Variants in GABRA5 observed in about 807,000 individuals in gnomAD.
The protein encoded by GABRA5 is gamma-aminobutyric acid receptor subunit alpha-5.
In GABRA5, 18 loss-of-function variants were observed where a neutral mutation model predicts 47.3. The observed-to-expected ratio is 0.38, with a 90% confidence interval of 0.26 to 0.56. The LOEUF (loss-of-function observed/expected upper bound fraction) is 0.56, where lower values mean the gene tolerates loss of function less well. GABRA5 is among the 20% of genes least tolerant of loss of function. The probability of loss-of-function intolerance (pLI) is 0.71; values close to 1 mark genes in which losing one functional copy is unlikely to be tolerated. For synonymous variants in GABRA5, 237 were observed against 229.3 expected (o/e 1.03, Z -0.30); for missense variants, 365 against 599.3 (o/e 0.61, Z 4.08).
At chr15:26,893,358 TG>T (rs1893073684) in intron 6 of GABRA5, among the ~76,000 whole-genome samples, 1 of 17,060 alleles carries the variant, frequency 5.9e-5, no homozygotes, top group Admixed American at 5.6e-4. Flanking sequence ...TGTGTGTGTA[TG>T]GTGTGTAGCG....
intron 6 of GABRA5, among the ~76,000 whole-genome samples, chr15:26,897,820 C>A (rs1382075076): frequency 6.6e-6 from 1 of 152,146 alleles, no homozygotes; most frequent in Non-Finnish European, 1.5e-5. Flanking sequence ...CATCACATGT[C>A]GAACATCCCC....
chr15:26,928,565 TC>T (rs1894015796), intron 7 of GABRA5, among the ~76,000 whole-genome samples: 2 of 151,468 alleles, frequency 1.3e-5, no homozygotes, highest in South Asian at 4.2e-4. Context: ...GGGTGGGGGG[TC>T]CTCCTGCGTG....
intron 10 of GABRA5, among the ~76,000 whole-genome samples, chr15:26,946,963 G>C (rs1894526385): frequency 6.6e-6 from 1 of 152,168 alleles, no homozygotes; most frequent in African/African-American, 2.4e-5. Context: ...GATATACACA[G>C]CAATATGGGT....
intron 6 of GABRA5, among the ~76,000 whole-genome samples, chr15:26,914,413 A>C: frequency 6.6e-6 from 1 of 152,198 alleles, no homozygotes; most frequent in East Asian, 1.9e-4. Flanking sequence ...TTTATTCTAC[A>C]TTTATATTTT....
chr15:26,897,677 G>T (rs1316881223), intron 6 of GABRA5, among the ~76,000 whole-genome samples: 1 of 152,142 alleles, frequency 6.6e-6, no homozygotes, highest in Non-Finnish European at 1.5e-5. Context: ...AAAGTTTCAG[G>T]ATTCAAATGT....
At chr15:26,935,830 T>C (rs1894226193) in intron 7 of GABRA5, among the ~76,000 whole-genome samples, 1 of 152,108 alleles carries the variant, frequency 6.6e-6, no homozygotes, top group Non-Finnish European at 1.5e-5. Context: ...AGATTTGGCA[T>C]TGAGTTGTTA....
At chr15:26,914,947 T>G (rs1893686239) in intron 7 of GABRA5, 62 bp downstream of exon 7, 1 of 1,334,438 alleles carries the variant, frequency 7.5e-7, no homozygotes, top group Admixed American at 1.7e-5. Context: ...TCCACATTTA[T>G]TCAGAAGAAT....
chr15:26,934,230 T>C (rs7181136), intron 7 of GABRA5, among the ~76,000 whole-genome samples: 120,709 of 146,406 alleles, frequency 0.82, 49,612 homozygotes, highest in Middle Eastern at 0.88. Context: ...CCAGCCTGGG[T>C]GATAGAAAGA....
chr15:26,949,185 T>TA lies in GABRA5; in HGVS notation c.*958dup, dbSNP rs1566891432. On this transcript the variant is annotated 3_prime_UTR_variant, in exon 11 of 11. Transcript: ENST00000335625. The stretch of plus-strand genomic sequence containing the variant: ...TGAATCTTAAATGTTCATTAAAAAA[T>TA]AAAAAATGAACTGATCTTGTGGACA... 1 of 152,102 alleles carries TA rather than the reference T, an allele frequency of 6.6e-6. No homozygotes were observed. The highest frequency in any genetic ancestry group is 1.9e-4 in the East Asian group (1 of 5,204). 9.4% of individuals were successfully genotyped at this position (152,102 alleles called of 1,614,324 possible).
rs562483073 is a variant in GABRA5, at chr15:26,872,264, G to A, written c.86+2930G>A. ...CGTGGAGCACCTGTCTTTATGTTTC[G>A]TGTTTTGGTTTTGGATGAATCCTAG... On this transcript the variant is annotated intron_variant, in intron 3 of 10. Transcript: ENST00000335625. Among the ~76,000 whole-genome samples, 12 of 152,248 alleles carry A rather than the reference G, an allele frequency of 7.9e-5. No homozygotes were observed. The South Asian group carries it at 2.1e-3, about 26-fold the overall frequency.
intron 7 of GABRA5, among the ~76,000 whole-genome samples, chr15:26,934,248 T>TAAAA (rs776194243): frequency 4.4e-5 from 5 of 112,912 alleles, no homozygotes; most frequent in Admixed American, 9.4e-5. Flanking sequence ...AGAGAATGTT[T>TAAAA]AAAAAAAAAA....
intron 7 of GABRA5, among the ~76,000 whole-genome samples, chr15:26,921,350 C>A (rs140157598): frequency 1.3e-5 from 2 of 151,990 alleles, no homozygotes; most frequent in African/African-American, 2.4e-5. Flanking sequence ...GGGTAAATTG[C>A]GCTTTTTGAG....
At chr15:26,912,371 T>C (rs1300551921) in intron 6 of GABRA5, among the ~76,000 whole-genome samples, 1 of 152,214 alleles carries the variant, frequency 6.6e-6, no homozygotes, top group African/African-American at 2.4e-5. Flanking sequence ...ACTTGACAAA[T>C]TTGCTAACAA....
chr15:26,921,530 T>A (rs7495454), intron 7 of GABRA5, among the ~76,000 whole-genome samples: 66,892 of 151,958 alleles, frequency 0.44, 15,021 homozygotes, highest in Middle Eastern at 0.61. Context: ...ATTTTATTGA[T>A]CTTATTATTT....
intron 10 of GABRA5, among the ~76,000 whole-genome samples, 173 bp downstream of exon 10, chr15:26,943,599 C>T (rs1894440014): frequency 6.6e-6 from 1 of 152,228 alleles, no homozygotes; most frequent in Non-Finnish European, 1.5e-5. Context: ...TCCAATTTCA[C>T]TCCAGCAAAA....
chr15:26,914,821 G>A lies in GABRA5; in HGVS notation c.516G>A (p.Glu172=). ...TTTTCAGCTTGACCATCTCTGCAGA[G>A]TGCCCCATGCAGCTTGAGGACTTCC... ...LYTMRLTISA[E]CPMQLEDFPM... The change falls in exon 7 of 11, where the codon GAG becomes GAA. Residue 172 remains glutamate (E), a synonymous_variant. Transcript: ENST00000335625. The A allele has an allele frequency of 6.2e-7, 1 of 1,613,946 alleles. No homozygotes were observed. Among genetic ancestry groups the A allele is most frequent in the Non-Finnish European group, 8.5e-7 (1 of 1,179,816 alleles).
intron 3 of GABRA5, among the ~76,000 whole-genome samples, chr15:26,875,856 T>C (rs1160987039): frequency 6.6e-6 from 1 of 151,898 alleles, no homozygotes; most frequent in African/African-American, 2.4e-5. Context: ...CATGATCCAA[T>C]TTAGATGTGA....
At position 26,937,186 on chromosome 15, in the gene GABRA5, T is replaced by C; in HGVS notation, c.582T>C (p.Tyr194=). 6.2e-7 allele frequency: 1 copy of C among 1,613,974 alleles called. No individual in the cohort carries two copies. The highest frequency in any genetic ancestry group is 8.5e-7 in the Non-Finnish European group (1 of 1,179,848). The change falls in exon 8 of 11, where the codon TAT becomes TAC. Residue 194 remains tyrosine (Y), a splice_region_variant and synonymous_variant. Coordinates refer to ENST00000335625, the MANE Select transcript of GABRA5 (RefSeq NM_000810.4). The part of the protein sequence containing the change: ...AHACPLKFGS[Y]AYPNSEVVYV... ...ACTTTCTGCCCCCTCCTCATACAGA[T>C]GCGTACCCTAATTCTGAAGTCGTTT...
At chr15:26,942,322 G>C (rs1174638582) in intron 9 of GABRA5, among the ~76,000 whole-genome samples, 1 of 152,208 alleles carries the variant, frequency 6.6e-6, no homozygotes, top group South Asian at 2.1e-4. Flanking sequence ...TGGCTGTGTG[G>C]TCACTGCAAA....
Sources: gnomAD v4.1 joint callset for allele counts (sites outside exome capture counted in the v4.1 genomes callset) on GRCh38, gnomAD v4.1.1 for gene constraint, MANE v1.5 for transcripts, NCBI Gene and HGNC (gene_info 2026-07-23, HGNC 2026-07-21) for gene names.